Variants in FGF1 observed in about 807,000 individuals in gnomAD.
FGF1 encodes fibroblast growth factor 1, also known as beta-endothelial cell growth factor.
A neutral mutation model predicts 13.4 loss-of-function variants in FGF1; 9 were observed. The ratio of observed to expected loss-of-function variants is 0.67; its 90% CI spans 0.40 to 1.17. FGF1 has a LOEUF of 1.17. Ranked by LOEUF, FGF1 falls within the 50% of genes most tolerant of loss-of-function variation. The pLI is 0.01. For missense variants in FGF1, 156 were observed against 192.7 expected (o/e 0.81, Z 1.13); for synonymous variants, 93 against 79.0 (o/e 1.18, Z -0.94).
intron 3 of FGF1, among the ~76,000 whole-genome samples, chr5:142,598,086 G>A (rs1755675373): frequency 6.6e-6 from 1 of 152,214 alleles, no homozygotes; most frequent in South Asian, 2.1e-4. Context: ...GGAACTTGGT[G>A]CAGACATTCG....
chr5:142,638,430 A>G (rs1764639502), intron 1 of FGF1, among the ~76,000 whole-genome samples: 1 of 152,046 alleles, frequency 6.6e-6, no homozygotes, highest in East Asian at 1.9e-4. Context: ...CATAGGGCAG[A>G]ACCCCTATCT....
intron 2 of FGF1, among the ~76,000 whole-genome samples, chr5:142,691,658 TG>T (rs2152069979): frequency 6.6e-6 from 1 of 152,168 alleles, no homozygotes; most frequent in East Asian, 1.9e-4. Flanking sequence ...CACAGATTGC[TG>T]GGCTCCAACC....
chr5:142,632,934 T>C (rs1763593603), intron 1 of FGF1, among the ~76,000 whole-genome samples: 1 of 151,944 alleles, frequency 6.6e-6, no homozygotes, highest in South Asian at 2.1e-4. Flanking sequence ...TTTTTTTTTT[T>C]TTTTTAGACG....
intron 1 of FGF1, among the ~76,000 whole-genome samples, chr5:142,619,232 C>A (rs34015): frequency 4.6e-5 from 7 of 152,006 alleles, no homozygotes; most frequent in South Asian, 2.1e-4. Context: ...CCACGCCCAG[C>A]CTTTAGTTTT....
rs564480205 is a variant in FGF1 at position 142,595,198 on chromosome 5, C to T, written c.*92G>A. The stretch of plus-strand genomic sequence containing the variant: ...TCAGGCTCTGTGGGCTGGGGGTTAG[C>T]GCAGCCAATGGTCAAGGGAACATTT... On this transcript the variant is annotated 3_prime_UTR_variant, in exon 4 of 4. Coordinates refer to ENST00000337706, the MANE Select transcript of FGF1 (RefSeq NM_000800.5). The T allele has an allele frequency of 1.7e-4, 183 of 1,053,124 alleles. 3 individuals carry two copies. The South Asian group carries it at 2.6e-3, about 15-fold the overall frequency. The allele number at this position is 1,053,124 out of a possible 1,614,324, so 65.2% of individuals were successfully genotyped here.
chr5:142,691,861 G>T (rs984652515), intron 2 of FGF1, among the ~76,000 whole-genome samples: 8 of 152,276 alleles, frequency 5.3e-5, no homozygotes, highest in African/African-American at 1.7e-4. Flanking sequence ...CCTGCACATA[G>T]GATCTGCCAC....
chr5:142,662,486 G>A (rs1769447289), intron 1 of FGF1, among the ~76,000 whole-genome samples: 1 of 152,188 alleles, frequency 6.6e-6, no homozygotes, highest in African/African-American at 2.4e-5. Flanking sequence ...AGAGGGGAAG[G>A]ATTTTTGTTG....
chr5:142,684,067 G>A (rs1345183075), intron 1 of FGF1, among the ~76,000 whole-genome samples: 2 of 152,074 alleles, frequency 1.3e-5, no homozygotes, highest in African/African-American at 2.4e-5. Flanking sequence ...CTGCGGACTC[G>A]CCCTGACTTC....
chr5:142,599,059 A>G (rs1194402458), intron 3 of FGF1, among the ~76,000 whole-genome samples: 1 of 152,184 alleles, frequency 6.6e-6, no homozygotes, highest in African/African-American at 2.4e-5. Context: ...GTGTTGCACC[A>G]CTGAACCCAT....
rs1754763757 is a variant in FGF1 at position 142,594,036 on chromosome 5, C to G, written c.*1254G>C. On this transcript the variant is annotated 3_prime_UTR_variant, in exon 4 of 4. Coordinates refer to ENST00000337706, the MANE Select transcript of FGF1 (RefSeq NM_000800.5). Reference sequence around the variant, plus strand: ...TTTTATAGGCATTGGGCCAAAGCCTCTTAAAATCATGCTCCTTAGTACAGG... The same window carrying G: ...TTTTATAGGCATTGGGCCAAAGCCTGTTAAAATCATGCTCCTTAGTACAGG... 6.6e-6 allele frequency: 1 copy of G among 152,572 alleles called. No homozygotes were observed. Among genetic ancestry groups the G allele is most frequent in the Non-Finnish European group, 1.5e-5 (1 of 68,042 alleles). 9.5% of individuals were successfully genotyped at this position (152,572 alleles called of 1,614,324 possible).
chr5:142,623,226 G>A (rs1761934884), intron 1 of FGF1, among the ~76,000 whole-genome samples: 1 of 152,108 alleles, frequency 6.6e-6, no homozygotes, highest in South Asian at 2.1e-4. Context: ...TTCCTCATCT[G>A]CAAAATGGGG....
chr5:142,621,126 C>T (rs1179489677), intron 1 of FGF1, among the ~76,000 whole-genome samples: 3 of 152,188 alleles, frequency 2.0e-5, no homozygotes, highest in Non-Finnish European at 2.9e-5. Flanking sequence ...TAACTCATCA[C>T]TCCCCTGCTG....
intron 1 of FGF1, 144 bp from the exon 2 acceptor site, chr5:142,614,305 G>A: frequency 1.6e-6 from 1 of 635,654 alleles, no homozygotes; most frequent in Non-Finnish European, 2.7e-6. Context: ...CGCAGTCCGC[G>A]GGCCTGTGAG....
intron 2 of FGF1, among the ~76,000 whole-genome samples, chr5:142,694,920 G>C (rs1752868657): frequency 6.6e-6 from 1 of 152,148 alleles, no homozygotes; most frequent in Non-Finnish European, 1.5e-5. Context: ...GCACCCAGGT[G>C]GCAGAAGAGG....
At chr5:142,595,510 T>C (rs1235872576) in intron 3 of FGF1, 26 bp from the exon 4 acceptor site, 2 of 1,595,490 alleles carry the variant, frequency 1.3e-6, no homozygotes, top group African/African-American at 1.3e-5. Context: ...CAAAAGAGAG[T>C]AGGACAATCA....
intron 2 of FGF1, among the ~76,000 whole-genome samples, chr5:142,610,856 G>C (rs1036102605): frequency 6.6e-6 from 1 of 152,154 alleles, no homozygotes; most frequent in Non-Finnish European, 1.5e-5. Flanking sequence ...TATAAGGAAG[G>C]TTAGGTACTT....
At chr5:142,675,922 G>A (rs1183643015) in intron 1 of FGF1, among the ~76,000 whole-genome samples, 1 of 152,176 alleles carries the variant, frequency 6.6e-6, no homozygotes, top group African/African-American at 2.4e-5. Context: ...AAGCCTTTTT[G>A]TGCATTGAGC....
intron 1 of FGF1, among the ~76,000 whole-genome samples, chr5:142,640,241 A>AT (rs1764944473): frequency 6.6e-6 from 1 of 152,018 alleles, no homozygotes; most frequent in African/African-American, 2.4e-5. Flanking sequence ...CTGGGAACAC[A>AT]GGGGTAAACA....
At chr5:142,616,418 T>C (rs1760253169) in intron 1 of FGF1, among the ~76,000 whole-genome samples, 1 of 152,206 alleles carries the variant, frequency 6.6e-6, no homozygotes, top group South Asian at 2.1e-4. Flanking sequence ...CTCCATCCCA[T>C]ATGGTGAAAC....
Sources: gnomAD v4.1 joint callset for allele counts (sites outside exome capture counted in the v4.1 genomes callset) on GRCh38, gnomAD v4.1.1 for gene constraint, MANE v1.5 for transcripts, NCBI Gene and HGNC (gene_info 2026-07-23, HGNC 2026-07-21) for gene names.